The following TECTA variants were observed in gnomAD, a reference collection of about 807,000 sequenced individuals.
TECTA encodes tectorin alpha.
A neutral mutation model predicts 216.8 loss-of-function variants in TECTA; 128 were observed. The observed-to-expected ratio is 0.59, with a 90% CI of 0.51 to 0.68. The LOEUF (loss-of-function observed/expected upper bound fraction) is 0.68. Among genes scored for constraint, TECTA ranks in the 30% least tolerant of loss-of-function variants. The pLI, the probability that TECTA is intolerant of heterozygous loss-of-function variation, is 0.00. For synonymous variants in TECTA, 1,089 were observed against 1,117.1 expected, an observed-to-expected ratio of 0.97 and a Z score of 0.50; for missense variants, 2,551 against 2,786.2, an observed-to-expected ratio of 0.92 and a Z score of 1.90.
At position 121,166,507 on chromosome 11, in the gene TECTA, G is replaced by A. The variant is rs974720173; in HGVS notation, c.5384-71G>A. 6.6e-6 allele frequency: 10 copies of A among 1,506,744 alleles called. No individual in the cohort carries two copies. In the South Asian group the frequency reaches 1.1e-4, roughly 17 times the overall value. 93.3% of individuals were successfully genotyped at this position (1,506,744 alleles called of 1,614,324 possible). On this transcript the variant is annotated intron_variant, in intron 17 of 23. Coordinates refer to ENST00000392793, the MANE Select transcript of TECTA (RefSeq NM_005422.4). Reference sequence around the variant, plus strand: ...CTCTTCTAAAGGAGAATGGAAATGGGATGCTTTGCTCCCACTCCTGCAGCA... The same window carrying A: ...CTCTTCTAAAGGAGAATGGAAATGGAATGCTTTGCTCCCACTCCTGCAGCA...
intron 20 of TECTA, among the ~76,000 whole-genome samples, chr11:121,177,178 CAA>C (rs1947176024): frequency 6.6e-6 from 1 of 152,186 alleles, no homozygotes; most frequent in Non-Finnish European, 1.5e-5. Context: ...CTCAACTCGT[CAA>C]AGTCATTCTC....
At chr11:121,186,149 T>A (rs1947284338) in intron 20 of TECTA, among the ~76,000 whole-genome samples, 1 of 147,890 alleles carries the variant, frequency 6.8e-6, no homozygotes, top group African/African-American at 2.6e-5. Flanking sequence ...AAAGCAGATG[T>A]TCAATGCTTA....
In TECTA at chr11:121,105,170, A is replaced by G. The variant is rs1401452212; in HGVS notation, c.65-661A>G. Among the ~76,000 whole-genome samples, 2 of 152,172 alleles carry G rather than the reference A, an allele frequency of 1.3e-5. No individual in the cohort carries two copies. The highest frequency in any genetic ancestry group is 3.8e-4 in the East Asian group (2 of 5,198). Reference sequence around the variant, plus strand: ...CAGGAGGACCAATCAGAGCCCTGCAATTCATTCTCTCCAAAGAGTTCTCAA... The same window carrying G: ...CAGGAGGACCAATCAGAGCCCTGCAGTTCATTCTCTCCAAAGAGTTCTCAA... On this transcript the variant is annotated intron_variant, in intron 2 of 23. Coordinates refer to ENST00000392793, the MANE Select transcript of TECTA (RefSeq NM_005422.4). This position sits in a 1 kb window ranked among gnomAD's most constrained non-coding sequence, Gnocchi z 5.3.
chr11:121,120,952 A>G (rs982400688), intron 7 of TECTA, among the ~76,000 whole-genome samples: 5 of 152,152 alleles, frequency 3.3e-5, no homozygotes, highest in Admixed American at 6.5e-5. Context: ...TCTTTGTGAG[A>G]CAGGGCCCTC....
chr11:121,179,371 T>C (rs1373589086), intron 20 of TECTA, among the ~76,000 whole-genome samples: 1 of 152,224 alleles, frequency 6.6e-6, no homozygotes, highest in Non-Finnish European at 1.5e-5. Context: ...TGATTTCTAG[T>C]TTTATTCCAT....
At chr11:121,178,870 CAA>C (rs1565539129) in intron 20 of TECTA, among the ~76,000 whole-genome samples, 1 of 152,094 alleles carries the variant, frequency 6.6e-6, no homozygotes, top group African/African-American at 2.4e-5. Context: ...GTAGGTTTTA[CAA>C]AGTGTATAGT....
intron 10 of TECTA, among the ~76,000 whole-genome samples, chr11:121,131,454 CT>C: frequency 6.6e-6 from 1 of 152,264 alleles, no homozygotes; most frequent in South Asian, 2.1e-4. Flanking sequence ...GAGTAAGTTG[CT>C]GTCATTATGC....
intron 10 of TECTA, among the ~76,000 whole-genome samples, chr11:121,136,758 T>C (rs1013633644): frequency 6.6e-6 from 1 of 152,016 alleles, no homozygotes; most frequent in Non-Finnish European, 1.5e-5. Context: ...CTCTCCAGAG[T>C]CTTTGAGTCA....
At position 121,127,999 on chromosome 11, in the gene TECTA, A is replaced by T; in HGVS notation, c.2022A>T (p.Gln674His). ...FFWATANCTV[Q>H]CLCEEGGDVY... is the part of the protein sequence containing the mutation. Reference sequence around the variant, plus strand: ...GGGCCACGGCCAACTGCACTGTGCAATGCCTGTGCGAGGAGGGCGGGGACG... The same window carrying T: ...GGGCCACGGCCAACTGCACTGTGCATTGCCTGTGCGAGGAGGGCGGGGACG... The change falls in exon 9 of 24, where the codon CAA becomes CAT. Residue 674 changes from glutamine to histidine, a missense_variant. Physicochemically the swap from Gln to His is conservative, Grantham distance 24 (BLOSUM62 0). This residue lies in a region of TECTA where 2,375 missense variants were observed against 2,563.9 expected (regional missense o/e 0.93). Coordinates refer to ENST00000392793, the MANE Select transcript of TECTA (RefSeq NM_005422.4). This position sits in a 1 kb window ranked among gnomAD's most constrained non-coding sequence, Gnocchi z 5.0. 6.2e-7 allele frequency: 1 copy of T among 1,614,028 alleles called. No individual in the cohort carries two copies. Among genetic ancestry groups the T allele is most frequent in the Non-Finnish European group, 8.5e-7 (1 of 1,180,018 alleles).
At chr11:121,151,396 C>T (rs1366761668) in intron 12 of TECTA, among the ~76,000 whole-genome samples, 4 of 152,190 alleles carry the variant, frequency 2.6e-5, no homozygotes, top group Admixed American at 1.3e-4. Context: ...GTACACACAG[C>T]ATGCAGCAGT....
At chr11:121,125,988 G>A in intron 8 of TECTA, 116 bp downstream of exon 8, 1 of 1,237,908 alleles carries the variant, frequency 8.1e-7, no homozygotes. Context: ...TGAGGGGGAG[G>A]TTGAAATTGC....
At chr11:121,160,877 A>C (rs1946991979) in intron 15 of TECTA, among the ~76,000 whole-genome samples, 1 of 152,202 alleles carries the variant, frequency 6.6e-6, no homozygotes, top group Non-Finnish European at 1.5e-5. Flanking sequence ...GTTGGTGGGA[A>C]TCAGGAAAGC....
chr11:121,189,452 C>G (rs1380656073), intron 22 of TECTA, among the ~76,000 whole-genome samples: 3 of 151,780 alleles, frequency 2.0e-5, no homozygotes, highest in African/African-American at 7.3e-5. Context: ...TGGCTCACTG[C>G]AAGCTCCGCC....
chr11:121,127,665 G>T lies in TECTA; in HGVS notation c.1775-87G>T. The T allele has an allele frequency of 6.7e-7, 1 of 1,486,114 alleles. No homozygotes were observed. Among genetic ancestry groups the T allele is most frequent in the Non-Finnish European group, 9.4e-7 (1 of 1,064,866 alleles). 92.1% of individuals were successfully genotyped at this position (1,486,114 alleles called of 1,614,324 possible). A position where few individuals can be genotyped will look rare whatever the true frequency, so the allele number is the denominator to read the frequency against. On this transcript the variant is annotated intron_variant, in intron 8 of 23. Transcript: ENST00000392793. This position sits in a 1 kb window ranked among gnomAD's most constrained non-coding sequence, Gnocchi z 5.0. ...TTGACCCTCACTCTAGGAACTAAAT[G>T]ATCCAGGAGGAGCGTTAAGATTCTG...
At chr11:121,141,609 C>A (rs1215907081) in intron 11 of TECTA, among the ~76,000 whole-genome samples, 1 of 152,356 alleles carries the variant, frequency 6.6e-6, no homozygotes, top group East Asian at 1.9e-4. Flanking sequence ...CTCCTGCCCC[C>A]ACCCTCAGGC....
At chr11:121,139,946 C>A (rs138772435) in intron 11 of TECTA, among the ~76,000 whole-genome samples, 1 of 152,176 alleles carries the variant, frequency 6.6e-6, no homozygotes, top group African/African-American at 2.4e-5. Context: ...GTTTTGCCCA[C>A]GTTGCTCGCA....
In TECTA at chr11:121,137,620, C is replaced by A. The variant is rs962728579; in HGVS notation, c.3141C>A (p.Thr1047=). 6.2e-7 allele frequency: 1 copy of A among 1,613,990 alleles called. No individual in the cohort carries two copies. Among genetic ancestry groups the A allele is most frequent in the Non-Finnish European group, 8.5e-7 (1 of 1,180,020 alleles). The change falls in exon 11 of 24, where the codon ACC becomes ACA. Residue 1047 remains threonine, a synonymous_variant. Coordinates refer to ENST00000392793, the MANE Select transcript of TECTA (RefSeq NM_005422.4). ...GCNFEGHQLA[T]NETFWVDLDC... is the part of the protein sequence containing the mutation. ...ACTTTGAGGGGCACCAACTTGCCAC[C>A]AATGAGACCTTCTGGGTGGACCTGG...
intron 11 of TECTA, among the ~76,000 whole-genome samples, chr11:121,145,016 A>G (rs1210487682): frequency 1.3e-5 from 2 of 152,324 alleles, no homozygotes; most frequent in Middle Eastern, 3.4e-3. Flanking sequence ...GGCTCAGAAA[A>G]TCTTGACTTA....
At chr11:121,190,070 ACAAC>A (rs1489063140) in intron 23 of TECTA, 190 bp downstream of exon 23, 4 of 598,500 alleles carry the variant, frequency 6.7e-6, no homozygotes, top group Non-Finnish European at 8.9e-6. Flanking sequence ...ACAAACAACA[ACAAC>A]AAAAAAACCT....
Sources: allele counts gnomAD v4.1 joint callset (sites outside exome capture counted in the v4.1 genomes callset), GRCh38; gene constraint gnomAD v4.1.1; regional missense constraint gnomAD v4.1.1; non-coding constraint Gnocchi (gnomAD v3.1); transcripts MANE v1.5; gene names NCBI Gene and HGNC (gene_info 2026-07-23, HGNC 2026-07-21).